The following PDE1C variants were observed in gnomAD, a reference collection of about 807,000 sequenced individuals.
The protein encoded by PDE1C is dual specificity calcium/calmodulin-dependent 3',5'-cyclic nucleotide phosphodiesterase 1C.
In PDE1C, 62 loss-of-function variants were observed where a neutral mutation model predicts 93.1. The observed-to-expected ratio is 0.67, with a 90% CI of 0.54 to 0.82. The LOEUF is 0.82. PDE1C is among the 40% of genes least tolerant of loss of function. PDE1C has a pLI of 0.00. For synonymous variants in PDE1C, 325 were observed against 310.1 expected, an observed-to-expected ratio of 1.05 and a Z score of -0.50; for missense variants, 742 against 884.6, an observed-to-expected ratio of 0.84 and a Z score of 2.04.
At chr7:32,374,263 G>GAAAGAAAGA (rs1273089150) in intron 1 of PDE1C, among the ~76,000 whole-genome samples, 1 of 122,466 alleles carries the variant, frequency 8.2e-6, no homozygotes, top group Non-Finnish European at 1.8e-5. Context: ...AAGGAAGAAA[G>GAAAGAAAGA]AAAGAAAGAA....
chr7:32,127,714 T>C (rs112659720), intron 3 of PDE1C, among the ~76,000 whole-genome samples: 1 of 151,866 alleles, frequency 6.6e-6, no homozygotes, highest in Non-Finnish European at 1.5e-5. Flanking sequence ...ATAACAAAAA[T>C]CATATCAAAA....
chr7:31,897,302 T>C (rs1799436098), intron 2 of PDE1C, among the ~76,000 whole-genome samples: 2 of 152,204 alleles, frequency 1.3e-5, no homozygotes, highest in African/African-American at 2.4e-5. Context: ...GAGACAGTTT[T>C]TTTGTCACGC....
At chr7:31,992,323 AG>A (rs1346590111) in intron 2 of PDE1C, among the ~76,000 whole-genome samples, 1 of 152,252 alleles carries the variant, frequency 6.6e-6, no homozygotes, top group Non-Finnish European at 1.5e-5. Context: ...AGAGGATACC[AG>A]CCATGGTGGC....
intron 2 of PDE1C, among the ~76,000 whole-genome samples, chr7:32,176,710 C>T (rs1803016811): frequency 6.6e-6 from 1 of 152,150 alleles, no homozygotes; most frequent in African/African-American, 2.4e-5. Flanking sequence ...TACTCACACA[C>T]ACACAGCAGA....
At chr7:31,824,716 T>C (rs554520008) in intron 13 of PDE1C, 151 bp downstream of exon 13, 1 of 962,694 alleles carries the variant, frequency 1.0e-6, no homozygotes, top group Admixed American at 2.2e-5. Flanking sequence ...TTTCAACTCC[T>C]CTGAGAAAAG....
At chr7:32,117,935 G>A (rs186060487) in intron 3 of PDE1C, among the ~76,000 whole-genome samples, 1 of 152,324 alleles carries the variant, frequency 6.6e-6, no homozygotes, top group African/African-American at 2.4e-5. Context: ...GCTGGGATCT[G>A]CATCCTTGAG....
the PDE1C span, among the ~76,000 whole-genome samples, chr7:31,645,998 G>C: frequency 1.3e-5 from 2 of 152,076 alleles, no homozygotes; most frequent in Non-Finnish European, 2.9e-5. Context: ...CCGTATGGGG[G>C]AAAATATTAA....
chr7:31,750,830 C>G (rs1232113309), downstream of PDE1C, among the ~76,000 whole-genome samples: 1 of 152,210 alleles, frequency 6.6e-6, no homozygotes, highest in Non-Finnish European at 1.5e-5. Context: ...CTCCAAGGTT[C>G]ACACCATTCT....
At chr7:32,071,056 G>A (rs1410390312), upstream of PDE1C, 2 of 985,362 alleles carry the variant, frequency 2.0e-6, no homozygotes, top group Non-Finnish European at 2.4e-6. Context: ...TGTCTGGGCT[G>A]TCACCGCGGG....
chr7:31,931,274 A>G lies in PDE1C; in HGVS notation c.129-50414T>C, dbSNP rs74182820. ...AAGAGAAAGAAAGAAAGTGTATTCA[A>G]ATAGGAAGACAGAAGGTCAAATTGT... On this transcript the variant is annotated intron_variant, in intron 2 of 17. Transcript: ENST00000396191. Among the ~76,000 whole-genome samples the G allele has an allele frequency of 4.6e-5, 7 of 152,312 alleles. No individual in the cohort carries two copies. In the South Asian group the frequency reaches 6.2e-4, roughly 14 times the overall value.
chr7:32,259,144 T>C (rs1810016137), intron 1 of PDE1C, among the ~76,000 whole-genome samples: 1 of 152,190 alleles, frequency 6.6e-6, no homozygotes, highest in African/African-American at 2.4e-5. Context: ...CCTAACTCCC[T>C]AGACCTACAA....
intron 2 of PDE1C, among the ~76,000 whole-genome samples, chr7:31,996,499 G>A (rs1191865149): frequency 6.6e-6 from 1 of 152,188 alleles, no homozygotes; most frequent in Non-Finnish European, 1.5e-5. Context: ...TACAAGGATT[G>A]GTTGGTCTGA....
chr7:31,814,393 G>A (rs539694204), intron 15 of PDE1C, among the ~76,000 whole-genome samples: 4 of 151,968 alleles, frequency 2.6e-5, no homozygotes, highest in East Asian at 3.9e-4. Flanking sequence ...AGGACGAGTC[G>A]GGACAATGGC....
At chr7:32,170,955 A>G (rs1802609771) in intron 2 of PDE1C, among the ~76,000 whole-genome samples, 1 of 152,078 alleles carries the variant, frequency 6.6e-6, no homozygotes, top group Non-Finnish European at 1.5e-5. Context: ...GGCAGCCCCT[A>G]GGCTCCAGCC....
At chr7:31,718,103 T>C in the PDE1C span, among the ~76,000 whole-genome samples, 1 of 152,160 alleles carries the variant, frequency 6.6e-6, no homozygotes, top group Non-Finnish European at 1.5e-5. Flanking sequence ...AGCCCTGGAC[T>C]GAAAGTATAC....
chr7:32,202,751 A>C (rs1246331164), intron 2 of PDE1C, among the ~76,000 whole-genome samples: 1 of 152,180 alleles, frequency 6.6e-6, no homozygotes, highest in Non-Finnish European at 1.5e-5. Flanking sequence ...GAGGATGATT[A>C]TAAGTGTAGA....
At chr7:32,292,619 C>T (rs1430047858) in intron 1 of PDE1C, among the ~76,000 whole-genome samples, 1 of 152,076 alleles carries the variant, frequency 6.6e-6, no homozygotes, top group Non-Finnish European at 1.5e-5. Context: ...TGAAATGCCA[C>T]CTCTCTAAGA....
the PDE1C span, among the ~76,000 whole-genome samples, chr7:31,727,654 T>C: frequency 6.6e-6 from 1 of 152,210 alleles, no homozygotes; most frequent in African/African-American, 2.4e-5. Flanking sequence ...AACTATCTAA[T>C]ATCAGGTTCA....
At chr7:32,182,701 T>A (rs1045330151) in intron 2 of PDE1C, among the ~76,000 whole-genome samples, 4 of 152,188 alleles carry the variant, frequency 2.6e-5, no homozygotes, top group Non-Finnish European at 5.9e-5. Context: ...TCATACTGAA[T>A]GGGCAAAAAC....
Sources: allele counts gnomAD v4.1 joint callset (sites outside exome capture counted in the v4.1 genomes callset), GRCh38; gene constraint gnomAD v4.1.1; transcripts MANE v1.5; gene names NCBI Gene and HGNC (gene_info 2026-07-23, HGNC 2026-07-21).